NKAIN2: variants seen among roughly 807,000 people sequenced by gnomAD.
NKAIN2 encodes sodium/potassium-transporting ATPase subunit beta-1-interacting protein 2.
NKAIN2 carries 14 observed loss-of-function variants against 32.6 expected under a neutral mutation model. The observed-to-expected ratio is 0.43, with a 90% confidence interval of 0.28 to 0.67. The LOEUF (loss-of-function observed/expected upper bound fraction) is 0.67. NKAIN2 is among the 30% of genes least tolerant of loss of function. The pLI, the probability that NKAIN2 is intolerant of heterozygous loss-of-function variation, is 0.17. For synonymous variants in NKAIN2, 80 were observed against 87.2 expected (o/e 0.92, Z 0.46); for missense variants, 198 against 258.3 (o/e 0.77, Z 1.60).
At chr6:123,941,180 G>T (rs1292807888) in intron 1 of NKAIN2, among the ~76,000 whole-genome samples, 1 of 151,750 alleles carries the variant, frequency 6.6e-6, no homozygotes, top group African/African-American at 2.4e-5. Context: ...GTCTTCAGGG[G>T]CAATAACATG....
chr6:124,090,825 A>C (rs545794651), intron 1 of NKAIN2, among the ~76,000 whole-genome samples: 1 of 152,160 alleles, frequency 6.6e-6, no homozygotes, highest in East Asian at 1.9e-4. Flanking sequence ...AGTGCATTTA[A>C]CTATGAAACA....
chr6:124,261,345 C>G (rs184317490), intron 1 of NKAIN2, among the ~76,000 whole-genome samples: 4 of 152,256 alleles, frequency 2.6e-5, no homozygotes, highest in African/African-American at 9.6e-5. Flanking sequence ...ATCACTTTGC[C>G]AAATCTCTAA....
chr6:124,221,757 T>C (rs1791841331), intron 1 of NKAIN2, among the ~76,000 whole-genome samples: 3 of 152,142 alleles, frequency 2.0e-5, no homozygotes, highest in Admixed American at 2.0e-4. Context: ...TTATCCTTGC[T>C]CTGTTCTGGT....
intron 1 of NKAIN2, among the ~76,000 whole-genome samples, chr6:123,971,819 G>C (rs1378744974): frequency 6.6e-6 from 1 of 152,108 alleles, no homozygotes; most frequent in Non-Finnish European, 1.5e-5. Flanking sequence ...TAATACGGTT[G>C]AAAGTTAATA....
At chr6:124,008,419 A>G (rs1277656391) in intron 1 of NKAIN2, among the ~76,000 whole-genome samples, 2 of 152,146 alleles carry the variant, frequency 1.3e-5, no homozygotes, top group African/African-American at 2.4e-5. Flanking sequence ...TGTACAACTC[A>G]TTAGTCATGA....
chr6:124,479,262 A>G (rs562608111), intron 3 of NKAIN2, among the ~76,000 whole-genome samples: 2 of 152,288 alleles, frequency 1.3e-5, no homozygotes, highest in South Asian at 4.1e-4. Flanking sequence ...ATGCCCTTTA[A>G]TTAATAATCA....
In NKAIN2 at chr6:124,023,729, T is replaced by A. The variant is rs1780978081; in HGVS notation, c.54+219475T>A. Among the ~76,000 whole-genome samples the A allele has an allele frequency of 2.0e-5, 3 of 152,196 alleles. No individual in the cohort carries two copies. The South Asian group carries it at 6.2e-4, about 31-fold the overall frequency. ...TGCTAAAATACATCTGAATTTTATT[T>A]ATTTTGCCAAGCACTGTGTTTTTCA... On this transcript the variant is annotated intron_variant, in intron 1 of 6. Coordinates refer to ENST00000368417, the MANE Select transcript of NKAIN2 (RefSeq NM_001040214.3).
At chr6:124,255,584 G>T (rs948548256) in intron 1 of NKAIN2, among the ~76,000 whole-genome samples, 1 of 152,282 alleles carries the variant, frequency 6.6e-6, no homozygotes, top group East Asian at 1.9e-4. Flanking sequence ...TAGAAGGAAA[G>T]CTTCCATTTT....
At chr6:124,441,192 C>T (rs1430210186) in intron 3 of NKAIN2, among the ~76,000 whole-genome samples, 3 of 152,040 alleles carry the variant, frequency 2.0e-5, no homozygotes, top group Non-Finnish European at 2.9e-5. Context: ...TATAATATGG[C>T]TTTATGCAGA....
intron 3 of NKAIN2, among the ~76,000 whole-genome samples, chr6:124,651,701 C>T (rs146921425): frequency 6.6e-6 from 1 of 152,214 alleles, no homozygotes; most frequent in African/African-American, 2.4e-5. Context: ...CCAAAGTGGC[C>T]CTAGTCAAGG....
chr6:123,896,685 T>G (rs1028132142), intron 1 of NKAIN2, among the ~76,000 whole-genome samples: 3 of 152,168 alleles, frequency 2.0e-5, no homozygotes, highest in Admixed American at 2.0e-4. Flanking sequence ...TTTGCAGGCT[T>G]CTTTTGTCAA....
chr6:124,076,702 G>T (rs1048104705), intron 1 of NKAIN2, among the ~76,000 whole-genome samples: 1 of 152,192 alleles, frequency 6.6e-6, no homozygotes, highest in Non-Finnish European at 1.5e-5. Flanking sequence ...TTGTTTATGA[G>T]ATTGTTCACA....
chr6:124,750,586 A>G (rs1777666286), intron 4 of NKAIN2, among the ~76,000 whole-genome samples: 1 of 152,002 alleles, frequency 6.6e-6, no homozygotes, highest in Non-Finnish European at 1.5e-5. Context: ...ACTAACAAAT[A>G]ATACATATGC....
At chr6:123,871,599 A>G (rs1772883404) in intron 1 of NKAIN2, among the ~76,000 whole-genome samples, 1 of 152,118 alleles carries the variant, frequency 6.6e-6, no homozygotes, top group African/African-American at 2.4e-5. Context: ...TTCCAGAAAA[A>G]GGGGGCATAG....
chr6:124,294,040 T>A (rs1011086789), intron 2 of NKAIN2, among the ~76,000 whole-genome samples: 3 of 152,130 alleles, frequency 2.0e-5, no homozygotes, highest in Non-Finnish European at 4.4e-5. Context: ...TGAGATTGGA[T>A]GATTTGCTTA....
intron 2 of NKAIN2, among the ~76,000 whole-genome samples, chr6:124,341,422 C>A (rs961938111): frequency 1.3e-5 from 2 of 152,058 alleles, no homozygotes; most frequent in African/African-American, 2.4e-5. Context: ...GAAACCTGTA[C>A]ACTAAAATGA....
chr6:123,889,267 C>A (rs1773882019), intron 1 of NKAIN2, among the ~76,000 whole-genome samples: 1 of 151,978 alleles, frequency 6.6e-6, no homozygotes, highest in African/African-American at 2.4e-5. Context: ...ATATGCGGAG[C>A]TGGTTGATCT....
At chr6:124,008,197 G>A (rs776011134) in intron 1 of NKAIN2, among the ~76,000 whole-genome samples, 1 of 152,172 alleles carries the variant, frequency 6.6e-6, no homozygotes. Context: ...GATACTTCCA[G>A]TGGTGTCACA....
intron 3 of NKAIN2, among the ~76,000 whole-genome samples, chr6:124,578,352 G>T (rs1028636574): frequency 1.0e-4 from 15 of 149,162 alleles, no homozygotes; most frequent in African/African-American, 3.7e-4. Flanking sequence ...GTCCTGAAGG[G>T]AGAGTCTCAG....
Sources: gnomAD v4.1 joint callset for allele counts (sites outside exome capture counted in the v4.1 genomes callset) on GRCh38, gnomAD v4.1.1 for gene constraint, MANE v1.5 for transcripts, NCBI Gene and HGNC (gene_info 2026-07-23, HGNC 2026-07-21) for gene names.